C2orf49: variants seen among roughly 807,000 people sequenced by gnomAD.
C2orf49 encodes tRNA splicing ligase complex subunit 2.
Under a neutral mutation model 20.6 loss-of-function variants are expected in C2orf49, and 11 were observed. The ratio of observed to expected loss-of-function variants is 0.53; its 90% CI spans 0.34 to 0.88. The LOEUF (loss-of-function observed/expected upper bound fraction) is 0.88. Ranked by LOEUF, C2orf49 falls within the 40% of genes least tolerant of loss-of-function variation. The pLI is 0.02. For synonymous variants in C2orf49, 134 were observed against 108.5 expected, an observed-to-expected ratio of 1.24 and a Z score of -1.46; for missense variants, 289 against 274.2, an observed-to-expected ratio of 1.05 and a Z score of -0.38.
In C2orf49 at chr2:105,343,180, T is replaced by G. The variant is rs1167166609; in HGVS notation, c.599T>G (p.Val200Gly). ...TTGTCCCCTGTTGGAACTACTCCAG[T>G]GAAGTTAAAGAGAGCTGCTCCTAAA... is the stretch of plus-strand genomic sequence containing the variant. ...PPLSPVGTTPVKLKRAAPKEE... is the reference protein window; with the variant it reads ...PPLSPVGTTPGKLKRAAPKEE... The change falls in exon 3 of 4, where the codon GTG (valine) becomes GGG (glycine). Residue 200 changes from valine to glycine, a missense_variant. Physicochemically the swap from Val to Gly is moderately radical, Grantham distance 109. Coordinates refer to ENST00000258457, the MANE Select transcript of C2orf49 (RefSeq NM_024093.3). 1.2e-6 allele frequency: 2 copies of G among 1,611,854 alleles called. No homozygotes were observed. Among genetic ancestry groups the G allele is most frequent in the African/African-American group, 2.7e-5 (2 of 74,696 alleles).
chr2:105,373,366 C>G, the C2orf49 span, among the ~76,000 whole-genome samples: 1 of 152,170 alleles, frequency 6.6e-6, no homozygotes, highest in African/African-American at 2.4e-5. Context: ...CAAAAAGATC[C>G]CGTTACTGCC....
chr2:105,354,728 TTAAG>T, the C2orf49 span, among the ~76,000 whole-genome samples: 3 of 152,304 alleles, frequency 2.0e-5, no homozygotes, highest in South Asian at 2.1e-4. Context: ...ATCACAAAGT[TTAAG>T]TATGTAATTT....
At chr2:105,352,722 G>A (rs575641381), downstream of C2orf49, among the ~76,000 whole-genome samples, 30 of 152,196 alleles carry the variant, frequency 2.0e-4, no homozygotes, top group South Asian at 5.6e-3. Flanking sequence ...GGGATTACAG[G>A]CTTGAGCCAC....
chr2:105,378,364 C>T, the C2orf49 span: 1 of 362,872 alleles, frequency 2.8e-6, no homozygotes, highest in Admixed American at 3.7e-5. Context: ...CCACACCCTG[C>T]TCTATCGGAT....
the C2orf49 span, among the ~76,000 whole-genome samples, chr2:105,370,217 A>ACCC: frequency 9.4e-4 from 142 of 151,150 alleles, 2 homozygotes; most frequent in African/African-American, 2.7e-3. Flanking sequence ...TACCCCCCCA[A>ACCC]AAAAAAAATT....
chr2:105,345,216 T>C, intron 3 of C2orf49, 99 bp from the exon 4 acceptor site: 1 of 1,034,118 alleles, frequency 9.7e-7, no homozygotes, highest in East Asian at 2.5e-5. Context: ...GATCTTCCAT[T>C]AATACATTAA....
chr2:105,377,765 T>A, the C2orf49 span: 3 of 272,368 alleles, frequency 1.1e-5, no homozygotes, highest in South Asian at 1.2e-4. Context: ...AGCTGCAGAA[T>A]GTTTTCCATG....
the C2orf49 span, chr2:105,363,191 G>T: frequency 8.3e-7 from 1 of 1,208,658 alleles, no homozygotes; most frequent in South Asian, 1.4e-5. Context: ...GAGGTCTGGG[G>T]AGTTGAGGGA....
At chr2:105,357,776 T>C in the C2orf49 span, 17 of 152,176 alleles carry the variant, frequency 1.1e-4, no homozygotes, top group South Asian at 2.1e-4. Flanking sequence ...TCCATGGATA[T>C]GGAGGAACAA....
At chr2:105,351,679 T>C (rs1423837534), downstream of C2orf49, among the ~76,000 whole-genome samples, 1 of 109,818 alleles carries the variant, frequency 9.1e-6, no homozygotes, top group Non-Finnish European at 2.3e-5. Flanking sequence ...TTTCTGGTAT[T>C]ATAGGATGCT....
At chr2:105,343,355 A>T (rs1679724453) in intron 3 of C2orf49, 132 bp downstream of exon 3, 1 of 780,238 alleles carries the variant, frequency 1.3e-6, no homozygotes, top group African/African-American at 1.7e-5. Flanking sequence ...TCTGATTTGT[A>T]TAATACAACT....
the C2orf49 span, among the ~76,000 whole-genome samples, chr2:105,371,690 A>G: frequency 3.3e-5 from 5 of 152,354 alleles, no homozygotes; most frequent in African/African-American, 1.2e-4. Context: ...GGAAATATGC[A>G]TACTTTTTAT....
chr2:105,375,409 A>G, the C2orf49 span: 1 of 152,210 alleles, frequency 6.6e-6, no homozygotes, highest in Non-Finnish European at 1.5e-5. Context: ...GCAAGACGAT[A>G]AAGAATGAAG....
In C2orf49 at chr2:105,337,698, C is replaced by T; in HGVS notation, c.99+12C>T. The T allele has an allele frequency of 6.7e-6, 1 of 148,408 alleles. No homozygotes were observed. Among genetic ancestry groups the T allele is most frequent in the Non-Finnish European group, 9.7e-6 (1 of 103,624 alleles). The allele number at this position is 148,408 out of a possible 1,614,324, so 9.2% of individuals were successfully genotyped here. ...TCACTCTGGAGCAGGTTGGGCGCGCCGGATCGGAGGGTGGGCGGGTGGGCC... is the reference window on the plus strand; with the variant it reads ...TCACTCTGGAGCAGGTTGGGCGCGCTGGATCGGAGGGTGGGCGGGTGGGCC... On this transcript the variant is annotated intron_variant, in intron 1 of 3. Coordinates refer to ENST00000258457, the MANE Select transcript of C2orf49 (RefSeq NM_024093.3).
chr2:105,338,040 G>C (rs1482544460), intron 1 of C2orf49, among the ~76,000 whole-genome samples: 1 of 152,176 alleles, frequency 6.6e-6, no homozygotes, highest in Non-Finnish European at 1.5e-5. Flanking sequence ...GGACTGTCAG[G>C]ACTGGAAAGC....
At chr2:105,364,726 A>G in the C2orf49 span, among the ~76,000 whole-genome samples, 1 of 152,214 alleles carries the variant, frequency 6.6e-6, no homozygotes, top group African/African-American at 2.4e-5. Flanking sequence ...ACATTTCAGT[A>G]TCATGCAGTA....
chr2:105,372,895 T>C, the C2orf49 span, among the ~76,000 whole-genome samples: 1 of 152,212 alleles, frequency 6.6e-6, no homozygotes, highest in Non-Finnish European at 1.5e-5. Context: ...TTTTGTCCAC[T>C]TTGCTTTTTA....
chr2:105,372,532 T>C, the C2orf49 span, among the ~76,000 whole-genome samples: 6 of 152,084 alleles, frequency 3.9e-5, no homozygotes, highest in Non-Finnish European at 5.9e-5. Flanking sequence ...GCATCCTACA[T>C]ATATTTCTAA....
At chr2:105,368,047 T>A in the C2orf49 span, among the ~76,000 whole-genome samples, 1 of 152,344 alleles carries the variant, frequency 6.6e-6, no homozygotes, top group African/African-American at 2.4e-5. Flanking sequence ...CTCTCAGCAA[T>A]GCAAAGTATA....
Sources: gnomAD v4.1 joint callset for allele counts (sites outside exome capture counted in the v4.1 genomes callset) on GRCh38, gnomAD v4.1.1 for gene constraint, MANE v1.5 for transcripts, NCBI Gene and HGNC (gene_info 2026-07-23, HGNC 2026-07-21) for gene names.